ITGBL1: variants seen among roughly 807,000 people sequenced by gnomAD.
ITGBL1 encodes integrin subunit beta like 1, also known as integrin beta-like protein 1.
ITGBL1 carries 51 observed loss-of-function variants against 68.5 expected under a neutral mutation model. That is an observed-to-expected ratio of 0.74 (90% confidence interval 0.59 to 0.94). The LOEUF is 0.94. Among genes scored for constraint, ITGBL1 ranks in the 40% least tolerant of loss-of-function variants. The pLI is 0.00. For missense variants in ITGBL1, 649 were observed against 647.4 expected, an observed-to-expected ratio of 1.00 and a Z score of -0.03; for synonymous variants, 209 against 227.3, an observed-to-expected ratio of 0.92 and a Z score of 0.72.
intron 2 of ITGBL1, among the ~76,000 whole-genome samples, chr13:101,510,623 C>T (rs370631736): frequency 4.6e-5 from 7 of 152,068 alleles, no homozygotes; most frequent in Admixed American, 3.3e-4. Context: ...GAACAGTGTA[C>T]GAGTTCTCTT....
intron 2 of ITGBL1, among the ~76,000 whole-genome samples, chr13:101,564,293 A>G (rs2050146278): frequency 6.6e-6 from 1 of 152,022 alleles, no homozygotes; most frequent in Non-Finnish European, 1.5e-5. Flanking sequence ...GAATAAGCCT[A>G]GAGTTAGGCA....
intron 7 of ITGBL1, among the ~76,000 whole-genome samples, chr13:101,644,579 C>A (rs2032498294): frequency 6.6e-6 from 1 of 152,126 alleles, no homozygotes; most frequent in African/African-American, 2.4e-5. Flanking sequence ...TAAACAAAAG[C>A]TGCCAAATAA....
intron 8 of ITGBL1, among the ~76,000 whole-genome samples, chr13:101,694,527 A>C (rs995347504): frequency 2.7e-4 from 41 of 151,984 alleles, no homozygotes; most frequent in African/African-American, 8.0e-4. Flanking sequence ...AGGCTCAAGC[A>C]ATCCTCTGGC....
chr13:101,575,479 G>A lies in ITGBL1; in HGVS notation c.519G>A (p.Val173=). 1.2e-6 allele frequency: 2 copies of A among 1,612,826 alleles called. No individual in the cohort carries two copies. The highest frequency in any genetic ancestry group is 1.7e-5 in the Admixed American group (1 of 59,988). The change falls in exon 4 of 11, where the codon GTG becomes GTA. Residue 173 remains valine, a synonymous_variant. Transcript: ENST00000376180. ...ATAATTCAGATGGAAGTGGACTTGT[G>A]TATGGTAAATTTTGTGAGTGTGACG... is the stretch of plus-strand genomic sequence containing the variant. The part of the protein sequence containing the change: ...KCDNSDGSGL[V]YGKFCECDDR...
At chr13:101,619,178 A>G (rs77459101) in intron 7 of ITGBL1, among the ~76,000 whole-genome samples, 1 of 152,130 alleles carries the variant, frequency 6.6e-6, no homozygotes, top group Non-Finnish European at 1.5e-5. Flanking sequence ...GCACAACAGG[A>G]CAAAATAATT....
At chr13:101,460,903 A>G (rs2048309429) in intron 2 of ITGBL1, among the ~76,000 whole-genome samples, 2 of 152,182 alleles carry the variant, frequency 1.3e-5, no homozygotes, top group Non-Finnish European at 2.9e-5. Flanking sequence ...ATCCACCCCC[A>G]TAACCCAAAC....
chr13:101,517,291 T>C (rs1208350144), intron 2 of ITGBL1, among the ~76,000 whole-genome samples: 2 of 152,160 alleles, frequency 1.3e-5, no homozygotes, highest in Non-Finnish European at 2.9e-5. Flanking sequence ...CCACCAATGA[T>C]ATCCAGAGAC....
At chr13:101,549,336 A>G (rs905786244) in intron 2 of ITGBL1, among the ~76,000 whole-genome samples, 18 of 151,972 alleles carry the variant, frequency 1.2e-4, no homozygotes, top group African/African-American at 4.3e-4. Flanking sequence ...AACTTTCAAG[A>G]AGAAAGCATA....
chr13:101,702,911 G>A (rs779898805), intron 8 of ITGBL1, among the ~76,000 whole-genome samples: 1 of 152,166 alleles, frequency 6.6e-6, no homozygotes, highest in Non-Finnish European at 1.5e-5. Context: ...GAGTAGATAG[G>A]GGCGTAGGGG....
intron 2 of ITGBL1, among the ~76,000 whole-genome samples, chr13:101,541,640 T>A (rs988980865): frequency 8.5e-5 from 13 of 152,230 alleles, no homozygotes; most frequent in Admixed American, 8.5e-4. Flanking sequence ...TACCAGCTCC[T>A]CCTTGTACCA....
intron 7 of ITGBL1, among the ~76,000 whole-genome samples, chr13:101,610,323 G>A (rs960190805): frequency 6.6e-6 from 1 of 152,026 alleles, no homozygotes; most frequent in Non-Finnish European, 1.5e-5. Context: ...AACCAATGAG[G>A]CACAGTGTTA....
Position 101,627,939 on chromosome 13 carries a change from A to G in ITGBL1, c.1015+29640A>G, listed in dbSNP as rs551006085. ...TTTGCAGGTTTTCATGTGGACATTA[A>G]GTTTTCAGTTCCTTTGGGTAAATAA... On this transcript the variant is annotated intron_variant, in intron 7 of 10. Coordinates refer to ENST00000376180, the MANE Select transcript of ITGBL1 (RefSeq NM_004791.3). Among the ~76,000 whole-genome samples, 7 of 152,308 alleles carry G rather than the reference A, an allele frequency of 4.6e-5. No individual in the cohort carries two copies. In the South Asian group the frequency reaches 1.4e-3, roughly 32 times the overall value.
chr13:101,483,516 T>A lies in ITGBL1; in HGVS notation c.316+29416T>A, dbSNP rs144081406. 2.6e-3 allele frequency among the ~76,000 whole-genome samples: 395 copies of A among 152,336 alleles called. 2 individuals are homozygous for A. The highest frequency in any genetic ancestry group is 3.4e-3 in the Middle Eastern group (1 of 294). Reference sequence around the variant, plus strand: ...ATGCTCTAGAAGTCAATCACTTGACTGGAGAAGGAGAAAAATGTTCACTTG... The same window carrying A: ...ATGCTCTAGAAGTCAATCACTTGACAGGAGAAGGAGAAAAATGTTCACTTG... On this transcript the variant is annotated intron_variant, in intron 2 of 10. Coordinates refer to ENST00000376180, the MANE Select transcript of ITGBL1 (RefSeq NM_004791.3).
At chr13:101,696,733 A>G (rs911246640) in intron 8 of ITGBL1, among the ~76,000 whole-genome samples, 4 of 152,222 alleles carry the variant, frequency 2.6e-5, no homozygotes, top group South Asian at 4.1e-4. Flanking sequence ...TCTCATGGAT[A>G]TAATCAATCT....
chr13:101,556,798 T>C (rs1248044519), intron 2 of ITGBL1, among the ~76,000 whole-genome samples: 2 of 152,186 alleles, frequency 1.3e-5, no homozygotes, highest in African/African-American at 4.8e-5. Context: ...TGAAGGATTC[T>C]ACTCAGAGTC....
intron 7 of ITGBL1, among the ~76,000 whole-genome samples, chr13:101,644,860 T>G (rs542644006): frequency 6.6e-6 from 1 of 152,232 alleles, no homozygotes; most frequent in African/African-American, 2.4e-5. Context: ...CATGGATTTC[T>G]AATTCATGTA....
chr13:101,577,211 T>C (rs1158392955), intron 4 of ITGBL1, among the ~76,000 whole-genome samples: 1 of 152,200 alleles, frequency 6.6e-6, no homozygotes, highest in African/African-American at 2.4e-5. Flanking sequence ...TGCCTGGGAT[T>C]GTAAATCTTT....
chr13:101,720,642 T>G (rs1019198101), downstream of ITGBL1: 1 of 151,820 alleles, frequency 6.6e-6, no homozygotes, highest in African/African-American at 2.4e-5. Context: ...GTATTACAAG[T>G]TAGTTAATTA....
At chr13:101,588,244 A>G (rs1220293914) in intron 6 of ITGBL1, among the ~76,000 whole-genome samples, 1 of 151,820 alleles carries the variant, frequency 6.6e-6, no homozygotes, top group Non-Finnish European at 1.5e-5. Flanking sequence ...TTTGGGCTGC[A>G]GTCATTTTTA....
Sources: allele counts gnomAD v4.1 joint callset (sites outside exome capture counted in the v4.1 genomes callset), GRCh38; gene constraint gnomAD v4.1.1; transcripts MANE v1.5; gene names NCBI Gene and HGNC (gene_info 2026-07-23, HGNC 2026-07-21).